BNC2: variants seen among roughly 807,000 people sequenced by gnomAD.
The protein encoded by BNC2 is zinc finger protein basonuclin-2.
BNC2 carries 20 observed loss-of-function variants against 76.3 expected under a neutral mutation model. The observed-to-expected ratio is 0.26, with a 90% CI of 0.18 to 0.38. The LOEUF (loss-of-function observed/expected upper bound fraction) is 0.38. BNC2 is among the 10% of genes least tolerant of loss of function. BNC2 has a pLI of 1.00. For synonymous variants in BNC2, 582 were observed against 514.8 expected (o/e 1.13, Z -1.77); for missense variants, 1,382 against 1,399.8 (o/e 0.99, Z 0.20).
At chr9:16,796,785 T>C (rs1397272130) in intron 1 of BNC2, among the ~76,000 whole-genome samples, 1 of 152,232 alleles carries the variant, frequency 6.6e-6, no homozygotes, top group Admixed American at 6.5e-5. Context: ...AAACATTATC[T>C]ATAAACACAC....
chr9:16,689,708 G>C (rs575105505), intron 3 of BNC2, among the ~76,000 whole-genome samples: 1 of 151,724 alleles, frequency 6.6e-6, no homozygotes, highest in African/African-American at 2.4e-5. Context: ...GCTCCTCAGA[G>C]ACATGGCTAG....
At chr9:16,715,312 G>C (rs1444385715) in intron 3 of BNC2, among the ~76,000 whole-genome samples, 1 of 152,120 alleles carries the variant, frequency 6.6e-6, no homozygotes, top group Non-Finnish European at 1.5e-5. Context: ...AAGGAGAAAA[G>C]CTATACATCA....
Position 16,768,305 on chromosome 9 carries a change from C to T in BNC2, c.4-29820G>A, listed in dbSNP as rs533598368. On this transcript the variant is annotated intron_variant, in intron 1 of 6. Transcript: ENST00000380672. ...AGACACAGAAGTCAGTAAGAGCCAC[C>T]AAGTAGTGGCAGTGAAGGTAGGGAA... is the stretch of plus-strand genomic sequence containing the variant. Among the ~76,000 whole-genome samples the T allele has an allele frequency of 2.2e-4, 33 of 151,986 alleles. No individual in the cohort carries two copies. In the South Asian group the frequency reaches 6.7e-3, roughly 31 times the overall value.
chr9:16,864,149 T>C (rs1819479788), intron 1 of BNC2, among the ~76,000 whole-genome samples: 2 of 152,270 alleles, frequency 1.3e-5, no homozygotes, highest in South Asian at 4.1e-4. Flanking sequence ...ATTAAGCAAA[T>C]GTATTTCTAA....
chr9:16,634,885 G>T, intron 3 of BNC2, among the ~76,000 whole-genome samples: 1 of 149,520 alleles, frequency 6.7e-6, no homozygotes, highest in East Asian at 2.0e-4. Context: ...TAATAAAGGT[G>T]TTTTTTTTTT....
At chr9:16,750,304 A>G (rs746619303) in intron 1 of BNC2, among the ~76,000 whole-genome samples, 2 of 152,216 alleles carry the variant, frequency 1.3e-5, no homozygotes, top group Non-Finnish European at 2.9e-5. Flanking sequence ...TCTACCTAAA[A>G]ATATTTTCTG....
chr9:16,835,236 C>A (rs1818679301), intron 1 of BNC2, among the ~76,000 whole-genome samples: 1 of 152,224 alleles, frequency 6.6e-6, no homozygotes. Flanking sequence ...ACTTTAACAA[C>A]TGATTGATCT....
chr9:16,541,770 G>A (rs1004076939), intron 5 of BNC2, among the ~76,000 whole-genome samples: 9 of 151,736 alleles, frequency 5.9e-5, no homozygotes, highest in African/African-American at 2.2e-4. Context: ...AAAACCTATG[G>A]GATACTCTAT....
At chr9:16,419,680 TGGATGGGG>T in intron 6 of BNC2, 31 bp from the exon 7 acceptor site, 1 of 405,142 alleles carries the variant, frequency 2.5e-6, no homozygotes, top group Non-Finnish European at 4.7e-6. Flanking sequence ...GGGGGGTACG[TGGATGGGG>T]GGTGGGGAAA....
intron 5 of BNC2, among the ~76,000 whole-genome samples, chr9:16,515,180 A>T (rs1822848667): frequency 6.6e-6 from 1 of 152,216 alleles, no homozygotes; most frequent in Non-Finnish European, 1.5e-5. Flanking sequence ...GGAGCAGAGC[A>T]TGGAGATCCG....
intron 3 of BNC2, among the ~76,000 whole-genome samples, chr9:16,694,537 A>G (rs1333803343): frequency 2.6e-5 from 4 of 152,182 alleles, no homozygotes; most frequent in African/African-American, 9.7e-5. Flanking sequence ...AAGGCCACAG[A>G]TGGTACCAAC....
chr9:16,589,772 T>C (rs1030170395), intron 3 of BNC2, among the ~76,000 whole-genome samples: 8 of 152,108 alleles, frequency 5.3e-5, no homozygotes, highest in African/African-American at 1.7e-4. Context: ...CCTCTCAAAG[T>C]GCTGGAATTA....
At position 16,436,077 on chromosome 9, in the gene BNC2, C is replaced by T; in HGVS notation, c.2117G>A (p.Arg706Lys). 1 of 1,614,164 alleles carries T rather than the reference C, an allele frequency of 6.2e-7. No individual in the cohort carries two copies. Among genetic ancestry groups the T allele is most frequent in the Non-Finnish European group, 8.5e-7 (1 of 1,180,038 alleles). ...RTRCISRTEI[R>K]RADSMTSEDQ... ...TTCAGAAGTCATGCTGTCGGCCCTCCTTATTTCAGTCCTTGAAATGCACCG... is the reference window on the plus strand; with the variant it reads ...TTCAGAAGTCATGCTGTCGGCCCTCTTTATTTCAGTCCTTGAAATGCACCG... Residue 706 changes from arginine (R) to lysine (K), a missense_variant, in exon 6 of 7, where the codon AGG (arginine) becomes AAG (lysine). This residue lies in a region of BNC2 where 798 missense variants were observed against 775.5 expected (regional missense o/e 1.03). Transcript: ENST00000380672.
intron 5 of BNC2, among the ~76,000 whole-genome samples, chr9:16,441,219 G>C (rs1037420099): frequency 2.0e-5 from 3 of 152,200 alleles, no homozygotes; most frequent in Non-Finnish European, 2.9e-5. Flanking sequence ...TGGAAGGACT[G>C]CTTGAATCCA....
intron 1 of BNC2, among the ~76,000 whole-genome samples, chr9:16,792,701 G>T (rs1397661836): frequency 6.6e-6 from 1 of 152,190 alleles, no homozygotes; most frequent in East Asian, 1.9e-4. Flanking sequence ...AAGAGGGAAA[G>T]AATTCGTATT....
At chr9:16,539,955 G>T (rs1463520833) in intron 5 of BNC2, among the ~76,000 whole-genome samples, 3 of 151,834 alleles carry the variant, frequency 2.0e-5, no homozygotes, top group African/African-American at 7.3e-5. Flanking sequence ...TAAATAAACA[G>T]AATATATCAA....
At chr9:16,602,703 T>C (rs1427231758) in intron 3 of BNC2, among the ~76,000 whole-genome samples, 1 of 152,178 alleles carries the variant, frequency 6.6e-6, no homozygotes, top group Non-Finnish European at 1.5e-5. Context: ...AACCACCAAC[T>C]TACTGTACAG....
At chr9:16,721,663 G>A (rs916360926) in intron 3 of BNC2, among the ~76,000 whole-genome samples, 2 of 152,126 alleles carry the variant, frequency 1.3e-5, no homozygotes, top group Non-Finnish European at 2.9e-5. Context: ...CAAACCTACC[G>A]TGAAAGGAAA....
chr9:16,715,285 C>A (rs371391463), intron 3 of BNC2, among the ~76,000 whole-genome samples: 2 of 152,072 alleles, frequency 1.3e-5, no homozygotes, highest in Admixed American at 1.3e-4. Flanking sequence ...GGTGATTTTT[C>A]TTTAAATGTG....
Sources: allele counts gnomAD v4.1 joint callset (sites outside exome capture counted in the v4.1 genomes callset), GRCh38; gene constraint gnomAD v4.1.1; regional missense constraint gnomAD v4.1.1; transcripts MANE v1.5; gene names NCBI Gene and HGNC (gene_info 2026-07-23, HGNC 2026-07-21).